The following CAMSAP3 variants were observed in gnomAD, a reference collection of about 807,000 sequenced individuals.
CAMSAP3 encodes the protein calmodulin-regulated spectrin-associated protein 3.
In CAMSAP3, 34 loss-of-function variants were observed where a neutral mutation model predicts 112.5. The observed-to-expected ratio is 0.30, with a 90% CI of 0.23 to 0.40. The LOEUF (loss-of-function observed/expected upper bound fraction) is 0.40, where lower values mean the gene tolerates loss of function less well. Ranked by LOEUF, CAMSAP3 falls within the 10% of genes least tolerant of loss-of-function variation. CAMSAP3 has a pLI of 1.00. For missense variants in CAMSAP3, 1,602 were observed against 1,770.3 expected (o/e 0.90, Z 1.71); for synonymous variants, 868 against 799.8 (o/e 1.09, Z -1.44).
At chr19:7,608,757 C>T (rs1194741351) in intron 5 of CAMSAP3, among the ~76,000 whole-genome samples, 1 of 151,674 alleles carries the variant, frequency 6.6e-6, no homozygotes, top group African/African-American at 2.4e-5. Context: ...GCCTCAGCCT[C>T]CTGAGTAGCT....
At chr19:7,598,753 C>T (rs1014085459) in intron 1 of CAMSAP3, among the ~76,000 whole-genome samples, 5 of 151,858 alleles carry the variant, frequency 3.3e-5, no homozygotes, top group African/African-American at 1.2e-4. Flanking sequence ...CACCACTGCA[C>T]TCCAGCCTGG....
intron 1 of CAMSAP3, among the ~76,000 whole-genome samples, chr19:7,598,718 C>T (rs1599338278): frequency 1.3e-5 from 2 of 151,746 alleles, no homozygotes; most frequent in East Asian, 2.0e-4. Context: ...ACCTGTGAGG[C>T]GGAGGTTGCA....
chr19:7,612,369 G>A lies in CAMSAP3; in HGVS notation c.1876G>A (p.Ala626Thr), dbSNP rs535764762. The A allele has an allele frequency of 5.0e-6, 8 of 1,599,920 alleles. No homozygotes were observed. Among genetic ancestry groups the A allele is most frequent in the African/African-American group, 2.7e-5 (2 of 74,848 alleles). ...GAAGCGACGGATTGAGGCCATATTCGCCAAGCACCGCCAGCGGCTGGGCAA... is the reference window on the plus strand; with the variant it reads ...GAAGCGACGGATTGAGGCCATATTCACCAAGCACCGCCAGCGGCTGGGCAA... ...AQKRRIEAIFAKHRQRLGKSA... is the reference protein window; with the variant it reads ...AQKRRIEAIFTKHRQRLGKSA... The change falls in exon 11 of 17, where the codon GCC (alanine) becomes ACC (threonine). Residue 626 changes from alanine to threonine, a missense_variant. Coordinates refer to ENST00000160298, the MANE Select transcript of CAMSAP3 (RefSeq NM_020902.2).
At position 7,615,230 on chromosome 19, in the gene CAMSAP3, G is replaced by C; in HGVS notation, c.2718G>C (p.Leu906=). The C allele has an allele frequency of 1.3e-6, 2 of 1,552,492 alleles. No homozygotes were observed. The highest frequency in any genetic ancestry group is 1.7e-6 in the Non-Finnish European group (2 of 1,148,088). Residue 906 remains leucine (L), a synonymous_variant, in exon 12 of 17, where the codon CTG becomes CTC. Coordinates refer to ENST00000160298, the MANE Select transcript of CAMSAP3 (RefSeq NM_020902.2). The surrounding 1 kb of genome is among the most constrained non-coding windows in gnomAD (Gnocchi z 6.5). Reference sequence around the variant, plus strand: ...AGATGGCCCAAAAGCGGGCCAGCCTGCTGGAGCGGCAGCAGCGGCGAGCAG... The same window carrying C: ...AGATGGCCCAAAAGCGGGCCAGCCTCCTGGAGCGGCAGCAGCGGCGAGCAG... ...EDEMAQKRAS[L]LERQQRRAEE... is the part of the protein sequence containing the mutation.
intron 1 of CAMSAP3, among the ~76,000 whole-genome samples, chr19:7,598,285 G>C (rs938027140): frequency 9.2e-5 from 14 of 152,178 alleles, no homozygotes; most frequent in Admixed American, 9.2e-4. Context: ...GTGGGCAAAG[G>C]CTCGGAGTGT....
chr19:7,611,635 G>T lies in CAMSAP3; in HGVS notation c.1193+49G>T, dbSNP rs201900232. The T allele has an allele frequency of 5.7e-3, 9,000 of 1,589,434 alleles. 26 individuals carry two copies. The highest frequency in any genetic ancestry group is 6.9e-3 in the Non-Finnish European group (8,036 of 1,166,312). On this transcript the variant is annotated intron_variant, in intron 10 of 16. Transcript: ENST00000160298. The surrounding 1 kb of genome is among the most constrained non-coding windows in gnomAD (Gnocchi z 6.9). ...GTAGGGGGTGGAGCAGGCTAGGGCG[G>T]GTTGGGGCCGAGGCTGGTCCCAGGG...
rs1360064549 is a variant in CAMSAP3, at chr19:7,612,167, C to T, written c.1674C>T (p.Thr558=). 1.9e-6 allele frequency: 3 copies of T among 1,611,866 alleles called. No individual in the cohort carries two copies. Among genetic ancestry groups the T allele is most frequent in the East Asian group, 4.5e-5 (2 of 44,818 alleles). The change falls in exon 11 of 17, where the codon ACC becomes ACT. Residue 558 remains threonine, a synonymous_variant. Transcript: ENST00000160298. ...CGGTGGCTTCGTCCCCAGCAGCCAC[C>T]AACTCCGAGGTGAAAATGACCAGCT... The part of the protein sequence containing the change: ...PKAVASSPAA[T]NSEVKMTSFA...
rs191633479 is a variant in CAMSAP3 at position 7,602,940 on chromosome 19, G to T, written c.149-2286G>T. ...GGAAATTGAGGGAGAGGTGGAGGGG[G>T]GCTGGGAGGGCAGGGAGGAAGTGAG... On this transcript the variant is annotated intron_variant, in intron 1 of 16. Transcript: ENST00000160298. Among the ~76,000 whole-genome samples, 227 of 151,762 alleles carry T rather than the reference G, an allele frequency of 1.5e-3. 3 individuals are homozygous for T. The highest frequency in any genetic ancestry group is 5.2e-3 in the African/African-American group (214 of 41,354).
At position 7,595,983 on chromosome 19, in the gene CAMSAP3, C is replaced by T. The variant is rs931497336; in HGVS notation, c.-20C>T. The T allele has an allele frequency of 5.6e-6, 6 of 1,062,228 alleles. No individual in the cohort carries two copies. In the African/African-American group the frequency reaches 1.0e-4, roughly 19 times the overall value. 65.8% of individuals were successfully genotyped at this position (1,062,228 alleles called of 1,614,324 possible). A position where few individuals can be genotyped will look rare whatever the true frequency, so the allele number is the denominator to read the frequency against. ...GCCCAGTCCGAGCGCGGACCCGGCG[C>T]CCGCAGCCCCGGCGCCGCCATGGTG... On this transcript the variant is annotated 5_prime_UTR_variant, in exon 1 of 17. Coordinates refer to ENST00000160298, the MANE Select transcript of CAMSAP3 (RefSeq NM_020902.2).
Position 7,615,492 on chromosome 19 carries a change from C to A in CAMSAP3, c.2885C>A (p.Ala962Asp). 1 of 1,540,460 alleles carries A rather than the reference C, an allele frequency of 6.5e-7. No homozygotes were observed. The highest frequency in any genetic ancestry group is 8.7e-7 in the Non-Finnish European group (1 of 1,145,552). Residue 962 changes from alanine to aspartate, a missense_variant, in exon 13 of 17, where the codon GCC becomes GAC. By Grantham distance (126) the Ala-to-Asp change is moderately radical (BLOSUM62 -2). This residue lies in a region of CAMSAP3 where 1,100 missense variants were observed against 1,135.7 expected (regional missense o/e 0.97). Coordinates refer to ENST00000160298, the MANE Select transcript of CAMSAP3 (RefSeq NM_020902.2). The surrounding 1 kb of genome is among the most constrained non-coding windows in gnomAD (Gnocchi z 6.5). ...CCGATGGCGACTCCAGCCCCTGCTGCCCGGGCTCCAGCCGAGGAGGAGGTG... is the reference window on the plus strand; with the variant it reads ...CCGATGGCGACTCCAGCCCCTGCTGACCGGGCTCCAGCCGAGGAGGAGGTG... ...AVPMATPAPA[A>D]RAPAEEEVGP...
At position 7,615,242 on chromosome 19, in the gene CAMSAP3, G is replaced by C; in HGVS notation, c.2730G>C (p.Gln910His). The C allele has an allele frequency of 1.3e-6, 2 of 1,551,374 alleles. No individual in the cohort carries two copies. The highest frequency in any genetic ancestry group is 8.7e-7 in the Non-Finnish European group (1 of 1,147,596). The change falls in exon 12 of 17, where the codon CAG becomes CAC. Residue 910 changes from glutamine (Q) to histidine (H), a missense_variant. Transcript: ENST00000160298. The surrounding 1 kb of genome is among the most constrained non-coding windows in gnomAD (Gnocchi z 6.5). The stretch of plus-strand genomic sequence containing the variant: ...AGCGGGCCAGCCTGCTGGAGCGGCA[G>C]CAGCGGCGAGCAGAGGAGGCGCGGC... ...AQKRASLLERQQRRAEEARRR... is the reference protein window; with the variant it reads ...AQKRASLLERHQRRAEEARRR...
chr19:7,614,972 G>A (rs896662408), intron 11 of CAMSAP3: 7 of 625,374 alleles, frequency 1.1e-5, no homozygotes, highest in Admixed American at 1.1e-4. Context: ...TAAGCAGTGT[G>A]TGTGTGAGCG....
chr19:7,597,556 C>T (rs1380104976), intron 1 of CAMSAP3, among the ~76,000 whole-genome samples: 1 of 152,180 alleles, frequency 6.6e-6, no homozygotes, highest in Admixed American at 6.5e-5. Flanking sequence ...GTTTGTGGGG[C>T]AGGGGCACTT....
In CAMSAP3 at chr19:7,598,735, C is replaced by T. The variant is rs181759101; in HGVS notation, c.148+2585C>T. On this transcript the variant is annotated intron_variant, in intron 1 of 16. Coordinates refer to ENST00000160298, the MANE Select transcript of CAMSAP3 (RefSeq NM_020902.2). The stretch of plus-strand genomic sequence containing the variant: ...CTGTGAGGCGGAGGTTGCAGTGAGC[C>T]GAGATTGCACCACTGCACTCCAGCC... Among the ~76,000 whole-genome samples the T allele has an allele frequency of 6.1e-4, 92 of 151,896 alleles. 1 individual carries two copies. Among genetic ancestry groups the T allele is most frequent in the Admixed American group, 5.1e-3 (77 of 15,228 alleles).
chr19:7,606,866 CTG>C (rs2030254529), intron 4 of CAMSAP3: 11 of 1,582,560 alleles, frequency 7.0e-6, no homozygotes, highest in Middle Eastern at 1.7e-4. Context: ...CTCTGTCTGT[CTG>C]TATGTCTGTT....
Position 7,595,937 on chromosome 19 carries a change from A to AGCGCG in CAMSAP3, c.-61_-57dup. The AGCGCG allele has an allele frequency of 1.2e-6, 1 of 819,582 alleles. No individual in the cohort carries two copies. The highest frequency in any genetic ancestry group is 1.9e-5 in the African/African-American group (1 of 52,542). 50.8% of individuals were successfully genotyped at this position (819,582 alleles called of 1,614,324 possible). A position where few individuals can be genotyped will look rare whatever the true frequency, so the allele number is the denominator to read the frequency against. ...CAGCAGCGGGCCCGGCTGGGGCGCGAGCGCGGCGCAGCCCAGCCCAGCCCA... is the reference window on the plus strand; with the variant it reads ...CAGCAGCGGGCCCGGCTGGGGCGCGAGCGCGGCGCGGCGCAGCCCAGCCCAGCCCA... On this transcript the variant is annotated 5_prime_UTR_variant, in exon 1 of 17. Transcript: ENST00000160298.
In CAMSAP3 at chr19:7,617,180, G is replaced by C. The variant is rs1214755092; in HGVS notation, c.3213-146G>C. ...GATCTGCCCGCTTTGGCCTCCCGAA[G>C]TGCTGGGATTACAGGCATGAGCCAC... is the stretch of plus-strand genomic sequence containing the variant. On this transcript the variant is annotated intron_variant, in intron 14 of 16. Coordinates refer to ENST00000160298, the MANE Select transcript of CAMSAP3 (RefSeq NM_020902.2). The surrounding 1 kb of genome is among the most constrained non-coding windows in gnomAD (Gnocchi z 7.5). The C allele has an allele frequency of 4.5e-6, 3 of 664,984 alleles. No individual in the cohort carries two copies. Among genetic ancestry groups the C allele is most frequent in the Non-Finnish European group, 8.1e-6 (3 of 370,112 alleles). 41.2% of individuals were successfully genotyped at this position (664,984 alleles called of 1,614,324 possible).
intron 5 of CAMSAP3, among the ~76,000 whole-genome samples, chr19:7,609,301 G>C (rs181077803): frequency 1.9e-4 from 28 of 143,620 alleles, no homozygotes; most frequent in Non-Finnish European, 3.3e-4. Flanking sequence ...CTGGGCAACA[G>C]AGCGAGACTC....
rs1426061679 is a variant in CAMSAP3 at position 7,615,381 on chromosome 19, G to A, written c.2811-37G>A. The A allele has an allele frequency of 3.9e-6, 6 of 1,535,694 alleles. No homozygotes were observed. Among genetic ancestry groups the A allele is most frequent in the East Asian group, 2.5e-5 (1 of 40,676 alleles). ...TGGCCTGTCTGCCACCGCGGACCCC[G>A]TGAGCGGTTCTGATGCCGATTCCCT... On this transcript the variant is annotated intron_variant, in intron 12 of 16. Coordinates refer to ENST00000160298, the MANE Select transcript of CAMSAP3 (RefSeq NM_020902.2). The surrounding 1 kb of genome is among the most constrained non-coding windows in gnomAD (Gnocchi z 6.5).
Sources: allele counts gnomAD v4.1 joint callset (sites outside exome capture counted in the v4.1 genomes callset), GRCh38; gene constraint gnomAD v4.1.1; regional missense constraint gnomAD v4.1.1; non-coding constraint Gnocchi (gnomAD v3.1); transcripts MANE v1.5; gene names NCBI Gene and HGNC (gene_info 2026-07-23, HGNC 2026-07-21).